NIN: variants seen among roughly 807,000 people sequenced by gnomAD.
NIN encodes the protein ninein.
Under a neutral mutation model 257.6 loss-of-function variants are expected in NIN, and 137 were observed. The ratio of observed to expected loss-of-function variants is 0.53; its 90% CI spans 0.46 to 0.61. The LOEUF is 0.61. Among genes scored for constraint, NIN ranks in the 20% least tolerant of loss-of-function variants. The pLI is 0.00. For missense variants in NIN, 2,439 were observed against 2,501.2 expected (o/e 0.98, Z 0.53); for synonymous variants, 918 against 919.8 (o/e 1.00, Z 0.04).
intron 5 of NIN, among the ~76,000 whole-genome samples, chr14:50,785,258 C>T (rs113540250): frequency 0.034 from 5,253 of 152,370 alleles, 306 homozygotes; most frequent in African/African-American, 0.12. Flanking sequence ...GCCCCAACGC[C>T]GGGCCAGCAT....
At chr14:50,827,373 C>T (rs972802699) in intron 2 of NIN, among the ~76,000 whole-genome samples, 1 of 152,190 alleles carries the variant, frequency 6.6e-6, no homozygotes, top group African/African-American at 2.4e-5. Flanking sequence ...AAAAGCACAA[C>T]AATATCACTG....
At chr14:50,797,244 CCT>C (rs2043880252) in intron 4 of NIN, among the ~76,000 whole-genome samples, 1 of 152,064 alleles carries the variant, frequency 6.6e-6, no homozygotes, top group African/African-American at 2.4e-5. Flanking sequence ...CAAAAAATTC[CCT>C]GTTCCCAAAA....
chr14:50,781,780 G>A (rs993225464), intron 5 of NIN, among the ~76,000 whole-genome samples: 1 of 151,274 alleles, frequency 6.6e-6, no homozygotes, highest in Non-Finnish European at 1.5e-5. Flanking sequence ...GCTTAGAATT[G>A]TGCCTGGCAC....
At chr14:50,786,038 G>T (rs1304425459) in intron 5 of NIN, among the ~76,000 whole-genome samples, 1 of 152,132 alleles carries the variant, frequency 6.6e-6, no homozygotes, top group Non-Finnish European at 1.5e-5. Context: ...ATTTTTAAAC[G>T]CACACACATT....
intron 29 of NIN, 117 bp from the exon 30 acceptor site, chr14:50,726,183 G>A (rs2040404299): frequency 2.7e-6 from 2 of 749,784 alleles, no homozygotes; most frequent in South Asian, 3.6e-5. Context: ...GTAACAGGAA[G>A]GATGGATTTC....
At chr14:50,778,955 G>A (rs1414106308) in intron 5 of NIN, 151 bp from the exon 6 acceptor site, 6 of 728,332 alleles carry the variant, frequency 8.2e-6, no homozygotes, top group African/African-American at 7.0e-5. Context: ...CCATCTAGAT[G>A]AGTTCTCTTC....
intron 12 of NIN, among the ~76,000 whole-genome samples, chr14:50,767,771 G>C (rs537912674): frequency 1.9e-4 from 29 of 150,568 alleles, no homozygotes; most frequent in African/African-American, 6.1e-4. Context: ...GAGCCGAGAT[G>C]GCGCCACTGC....
At chr14:50,761,009 C>T (rs2042254570) in intron 16 of NIN, among the ~76,000 whole-genome samples, 1 of 152,120 alleles carries the variant, frequency 6.6e-6, no homozygotes, top group South Asian at 2.1e-4. Flanking sequence ...ATTAATTGAA[C>T]ACCTATCAGG....
At chr14:50,772,850 C>T in intron 8 of NIN, 99 bp downstream of exon 8, 1 of 965,504 alleles carries the variant, frequency 1.0e-6, no homozygotes, top group Non-Finnish European at 1.6e-6. Flanking sequence ...CCTCTCTTTC[C>T]TTAGTATTTT....
At chr14:50,727,619 TGTGTGTGCATGGGTGG>T (rs2040473315) in intron 29 of NIN, 8 of 1,440,796 alleles carry the variant, frequency 5.6e-6, no homozygotes, top group Admixed American at 1.8e-5. Flanking sequence ...CTGTGTGTGG[TGTGTGTGCATGGGTGG>T]GTGTGTGCAT....
At chr14:50,818,346 A>C (rs1170876215) in intron 3 of NIN, among the ~76,000 whole-genome samples, 3 of 149,922 alleles carry the variant, frequency 2.0e-5, no homozygotes, top group East Asian at 2.0e-4. Context: ...AAAACACTGG[A>C]TATAACTAAA....
chr14:50,755,246 AT>A (rs1566807975), intron 18 of NIN, among the ~76,000 whole-genome samples: 1 of 152,176 alleles, frequency 6.6e-6, no homozygotes, highest in Non-Finnish European at 1.5e-5. Context: ...TTACAAAGCT[AT>A]ATTAGCTTAG....
intron 12 of NIN, among the ~76,000 whole-genome samples, 188 bp from the exon 13 acceptor site, chr14:50,767,078 G>A (rs2141733112): frequency 6.6e-6 from 1 of 152,280 alleles, no homozygotes; most frequent in Non-Finnish European, 1.5e-5. Flanking sequence ...AACAAAATAA[G>A]TTTGCCCTTT....
At chr14:50,771,509 T>C in intron 9 of NIN, 41 bp from the exon 10 acceptor site, 1 of 1,607,346 alleles carries the variant, frequency 6.2e-7, no homozygotes, top group Non-Finnish European at 8.5e-7. Context: ...AACAAATCAC[T>C]CATTCCATCC....
intron 23 of NIN, 117 bp downstream of exon 23, chr14:50,744,126 A>G: frequency 9.0e-7 from 1 of 1,112,468 alleles, no homozygotes; most frequent in Non-Finnish European, 1.3e-6. Context: ...ATGCTGCTCC[A>G]GGACACTCTG....
intron 5 of NIN, among the ~76,000 whole-genome samples, chr14:50,785,270 T>G (rs12436213): frequency 0.04 from 6,150 of 152,352 alleles, 137 homozygotes; most frequent in Non-Finnish European, 0.051. Context: ...GGCCAGCATC[T>G]GCAGCCTGTG....
At chr14:50,799,198 T>C (rs1462017059) in intron 4 of NIN, among the ~76,000 whole-genome samples, 1 of 152,174 alleles carries the variant, frequency 6.6e-6, no homozygotes, top group Non-Finnish European at 1.5e-5. Flanking sequence ...ACAGAGTTCA[T>C]ATCAAGGTTG....
In NIN at chr14:50,763,832, C is replaced by T. The variant is rs141061548; in HGVS notation, c.1768G>A (p.Glu590Lys). 9.2e-5 allele frequency: 148 copies of T among 1,613,506 alleles called. No homozygotes were observed. The highest frequency in any genetic ancestry group is 1.8e-4 in the Admixed American group (11 of 59,976). ...CCTGTCCGAATGTGTTTACCGTGTT[C>T]GGGCTCAATGCCACCGCTGTTAGCC... Reference protein sequence around the residue: ...VEANSGGIEPEHGLGSEECNP... With the variant: ...VEANSGGIEPKHGLGSEECNP... Residue 590 changes from glutamate (E) to lysine (K), a missense_variant, in exon 15 of 31, where the codon GAA becomes AAA. Glu to Lys is a moderately conservative substitution (Grantham distance 56). Transcript: ENST00000530997.
At chr14:50,770,689 G>T (rs2042693639) in intron 11 of NIN, 127 bp from the exon 12 acceptor site, 3 of 1,352,180 alleles carry the variant, frequency 2.2e-6, no homozygotes, top group Non-Finnish European at 3.0e-6. Context: ...AGTGTACCCT[G>T]CTTTCCCTTA....
Sources: allele counts gnomAD v4.1 joint callset (sites outside exome capture counted in the v4.1 genomes callset), GRCh38; gene constraint gnomAD v4.1.1; transcripts MANE v1.5; gene names NCBI Gene and HGNC (gene_info 2026-07-23, HGNC 2026-07-21).